CENPP: variants seen among roughly 807,000 people sequenced by gnomAD.
The protein encoded by CENPP is centromere protein P.
CENPP carries 24 observed loss-of-function variants against 35.6 expected under a neutral mutation model. The observed-to-expected ratio is 0.67, with a 90% CI of 0.49 to 0.95. The LOEUF is 0.95. Ranked by LOEUF, CENPP falls within the 40% of genes least tolerant of loss-of-function variation. CENPP has a pLI of 0.00. For synonymous variants in CENPP, 120 were observed against 125.5 expected (o/e 0.96, Z 0.29); for missense variants, 332 against 345.3 (o/e 0.96, Z 0.31).
intron 5 of CENPP, among the ~76,000 whole-genome samples, chr9:92,523,516 C>G (rs1848204208): frequency 1.3e-5 from 2 of 152,106 alleles, no homozygotes; most frequent in Admixed American, 6.5e-5. Flanking sequence ...GGGCCAGTTG[C>G]ACAATGGAGG....
intron 5 of CENPP, chr9:92,415,296 T>G: frequency 6.2e-7 from 1 of 1,613,756 alleles, no homozygotes; most frequent in African/African-American, 1.3e-5. Context: ...GTGTCTTTAG[T>G]TGTATTGTTT....
At chr9:92,598,309 G>A (rs142014806) in intron 5 of CENPP, among the ~76,000 whole-genome samples, 34 of 152,294 alleles carry the variant, frequency 2.2e-4, no homozygotes, top group Admixed American at 5.9e-4. Context: ...ATGTGAGGGC[G>A]AGTTGGCCTC....
At chr9:92,564,443 T>G (rs1849918103) in intron 5 of CENPP, among the ~76,000 whole-genome samples, 2 of 152,068 alleles carry the variant, frequency 1.3e-5, no homozygotes, top group African/African-American at 4.8e-5. Flanking sequence ...AAGATATTTC[T>G]TTACTAAGGT....
At chr9:92,363,315 C>A (rs1036250630) in intron 4 of CENPP, among the ~76,000 whole-genome samples, 1 of 152,010 alleles carries the variant, frequency 6.6e-6, no homozygotes, top group Non-Finnish European at 1.5e-5. Flanking sequence ...AGTCATGTGC[C>A]GCATAACTAC....
intron 5 of CENPP, among the ~76,000 whole-genome samples, chr9:92,520,063 C>CTTCTTTTTTTTTTTTTTTTTTTTTTT (rs1554680817): frequency 7.5e-6 from 1 of 132,776 alleles, no homozygotes. Flanking sequence ...GGGAAGATTT[C>CTTCTTTTTTTTTTTTTTTTTTTTTTT]TTGAGGCCAG....
intron 5 of CENPP, chr9:92,600,107 A>G (rs1161499726): frequency 5.4e-6 from 2 of 367,962 alleles, no homozygotes; most frequent in Admixed American, 7.9e-5. Context: ...CTGTGTGCCA[A>G]TCAAACTTTA....
Position 92,616,735 on chromosome 9 carries a change from A to C in CENPP, c.*3586A>C, listed in dbSNP as rs746996196. ...GATGTGATTAATTATTTGCCCTGAAAAACACATTTAGGATTACTCCGAGTC... is the reference window on the plus strand; with the variant it reads ...GATGTGATTAATTATTTGCCCTGAACAACACATTTAGGATTACTCCGAGTC... On this transcript the variant is annotated 3_prime_UTR_variant, in exon 8 of 8. Transcript: ENST00000375587. 6.6e-6 allele frequency: 1 copy of C among 152,396 alleles called. No individual in the cohort carries two copies. The highest frequency in any genetic ancestry group is 1.9e-4 in the East Asian group (1 of 5,196). The allele number at this position is 152,396 out of a possible 1,614,324, so 9.4% of individuals were successfully genotyped here.
At chr9:92,423,104 TATG>T (rs1843862597) in intron 5 of CENPP, among the ~76,000 whole-genome samples, 1 of 152,224 alleles carries the variant, frequency 6.6e-6, no homozygotes, top group South Asian at 2.1e-4. Context: ...TTTATTTCAC[TATG>T]ATAATTTCTT....
chr9:92,428,629 A>G (rs1040551364), intron 5 of CENPP, among the ~76,000 whole-genome samples: 6 of 144,570 alleles, frequency 4.2e-5, no homozygotes, highest in African/African-American at 1.5e-4. Context: ...GACTATGTTC[A>G]TACATCTCCA....
At chr9:92,483,896 C>A (rs1356489052) in intron 5 of CENPP, among the ~76,000 whole-genome samples, 1 of 152,202 alleles carries the variant, frequency 6.6e-6, no homozygotes, top group East Asian at 1.9e-4. Flanking sequence ...CAGGCCCCAT[C>A]CTAGCCCTGC....
intron 5 of CENPP, among the ~76,000 whole-genome samples, chr9:92,380,383 C>T (rs1456079060): frequency 2.0e-5 from 3 of 152,154 alleles, no homozygotes; most frequent in Non-Finnish European, 4.4e-5. Context: ...TTGGTTGCAT[C>T]GTAATACCTC....
At chr9:92,433,747 C>G (rs1844177014) in intron 5 of CENPP, among the ~76,000 whole-genome samples, 1 of 152,046 alleles carries the variant, frequency 6.6e-6, no homozygotes, top group Non-Finnish European at 1.5e-5. Flanking sequence ...GCGTGACCAA[C>G]ATGGCAAAAC....
At chr9:92,460,871 G>T (rs544526633) in intron 5 of CENPP, among the ~76,000 whole-genome samples, 2 of 152,176 alleles carry the variant, frequency 1.3e-5, no homozygotes, top group African/African-American at 4.8e-5. Flanking sequence ...TAGAGATGGG[G>T]TTTCACCATG....
chr9:92,397,475 T>G (rs927930505), intron 5 of CENPP, among the ~76,000 whole-genome samples: 3 of 152,100 alleles, frequency 2.0e-5, no homozygotes, highest in African/African-American at 7.2e-5. Context: ...TACAGACATG[T>G]GCCACCATGC....
At chr9:92,607,949 G>A (rs1284057269) in intron 5 of CENPP, among the ~76,000 whole-genome samples, 1 of 152,120 alleles carries the variant, frequency 6.6e-6, no homozygotes, top group Non-Finnish European at 1.5e-5. Context: ...CCCCACATAT[G>A]GCAACCAGCT....
intron 5 of CENPP, among the ~76,000 whole-genome samples, chr9:92,413,977 A>G (rs1056756361): frequency 6.6e-6 from 1 of 152,310 alleles, no homozygotes; most frequent in East Asian, 1.9e-4. Context: ...TATTGTCAGA[A>G]TTGTTATCAT....
intron 5 of CENPP, among the ~76,000 whole-genome samples, chr9:92,446,775 C>G (rs1844561636): frequency 7.4e-6 from 1 of 134,642 alleles, no homozygotes; most frequent in Non-Finnish European, 1.5e-5. Context: ...TATGAAAGAA[C>G]AGACCAAGCT....
At chr9:92,582,899 T>C (rs1003985432) in intron 5 of CENPP, among the ~76,000 whole-genome samples, 3 of 152,196 alleles carry the variant, frequency 2.0e-5, no homozygotes, top group African/African-American at 4.8e-5. Context: ...TCAGATTCTC[T>C]ATCTTGCTTT....
chr9:92,463,949 G>GTTATTTAAATTAC (rs1447871791), intron 5 of CENPP, among the ~76,000 whole-genome samples: 2 of 152,172 alleles, frequency 1.3e-5, no homozygotes, highest in African/African-American at 4.8e-5. Flanking sequence ...CAGCTTTACT[G>GTTATTTAAATTAC]TGTCTTTTAA....
Sources: allele counts gnomAD v4.1 joint callset (sites outside exome capture counted in the v4.1 genomes callset), GRCh38; gene constraint gnomAD v4.1.1; transcripts MANE v1.5; gene names NCBI Gene and HGNC (gene_info 2026-07-23, HGNC 2026-07-21).